Variants in LTBP1 observed in about 807,000 individuals in gnomAD.
LTBP1 encodes the protein latent-transforming growth factor beta-binding protein 1.
In LTBP1, 129 loss-of-function variants were observed where a neutral mutation model predicts 207.6. That is an observed-to-expected ratio of 0.62 (90% CI 0.54 to 0.72). LTBP1 has a LOEUF of 0.72. LTBP1 is among the 30% of genes least tolerant of loss of function. The probability of loss-of-function intolerance (pLI) is 0.00; values close to 1 mark genes in which losing one functional copy is unlikely to be tolerated. For missense variants in LTBP1, 2,281 were observed against 2,217.2 expected (o/e 1.03, Z -0.58); for synonymous variants, 963 against 833.7 (o/e 1.16, Z -2.67).
rs1167704174 is a variant in LTBP1, at chr2:33,035,137, A to G, written c.863+13931A>G. On this transcript the variant is annotated intron_variant, in intron 3 of 33. Coordinates refer to ENST00000404816, the MANE Select transcript of LTBP1 (RefSeq NM_206943.4). ...AATTAATTCATATGAGCAATGTTCTATTCTCTTGTGATTTTAGCAACACGT... is the reference window on the plus strand; with the variant it reads ...AATTAATTCATATGAGCAATGTTCTGTTCTCTTGTGATTTTAGCAACACGT... 2.6e-5 allele frequency among the ~76,000 whole-genome samples: 4 copies of G among 152,194 alleles called. No homozygotes were observed. In the East Asian group the frequency reaches 5.8e-4, roughly 22 times the overall value.
At chr2:33,301,045 C>G (rs3769544) in intron 21 of LTBP1, among the ~76,000 whole-genome samples, 60,347 of 152,050 alleles carry the variant, frequency 0.4, 12,332 homozygotes, top group South Asian at 0.45. Flanking sequence ...TAATGTCCCC[C>G]TTAGAGAGAA....
chr2:33,276,113 C>T (rs891032767), intron 18 of LTBP1, among the ~76,000 whole-genome samples, 190 bp downstream of exon 18: 1 of 151,974 alleles, frequency 6.6e-6, no homozygotes, highest in Non-Finnish European at 1.5e-5. Flanking sequence ...TTTCCATCTT[C>T]ATGCTCTCAT....
intron 3 of LTBP1, among the ~76,000 whole-genome samples, chr2:33,069,879 A>G (rs143400229): frequency 1.4e-4 from 21 of 152,336 alleles, no homozygotes; most frequent in Non-Finnish European, 2.8e-4. Flanking sequence ...AGAGCTCTCA[A>G]CAGCTCACAG....
chr2:32,985,168 C>T (rs1239135284), intron 2 of LTBP1, among the ~76,000 whole-genome samples: 4 of 152,162 alleles, frequency 2.6e-5, no homozygotes. Context: ...CCCCGGAACA[C>T]AGGAGAACAC....
At chr2:33,202,286 A>G (rs2149113843) in intron 7 of LTBP1, among the ~76,000 whole-genome samples, 1 of 152,324 alleles carries the variant, frequency 6.6e-6, no homozygotes, top group Non-Finnish European at 1.5e-5. Flanking sequence ...AAAGCCAGTA[A>G]GAAGCTGGGG....
chr2:32,992,903 C>G (rs1422290126), intron 2 of LTBP1, among the ~76,000 whole-genome samples: 1 of 151,928 alleles, frequency 6.6e-6, no homozygotes, highest in Non-Finnish European at 1.5e-5. Context: ...GGGCTGGCAT[C>G]AGTGGGGAAG....
intron 7 of LTBP1, among the ~76,000 whole-genome samples, chr2:33,194,274 C>T (rs915514523): frequency 5.9e-5 from 9 of 152,108 alleles, no homozygotes; most frequent in Admixed American, 2.6e-4. Flanking sequence ...CGTGAGCCAC[C>T]GAGCCCGGCC....
intron 24 of LTBP1, among the ~76,000 whole-genome samples, chr2:33,318,618 A>G (rs1408242639): frequency 1.3e-5 from 2 of 152,200 alleles, no homozygotes. Context: ...ATGTCAGGAA[A>G]TTGCAGGGGA....
intron 7 of LTBP1, among the ~76,000 whole-genome samples, chr2:33,204,452 C>G (rs1354844087): frequency 6.6e-6 from 1 of 152,176 alleles, no homozygotes; most frequent in Non-Finnish European, 1.5e-5. Flanking sequence ...ATATTTTAAA[C>G]AAAGAGAGCA....
At chr2:33,121,598 A>G (rs1296191701) in intron 4 of LTBP1, among the ~76,000 whole-genome samples, 2 of 152,182 alleles carry the variant, frequency 1.3e-5, no homozygotes, top group Non-Finnish European at 2.9e-5. Flanking sequence ...TCCAGCAGAA[A>G]CCAAGAGCTC....
At chr2:32,955,326 C>G (rs1318131674) in intron 2 of LTBP1, among the ~76,000 whole-genome samples, 1 of 152,184 alleles carries the variant, frequency 6.6e-6, no homozygotes, top group African/African-American at 2.4e-5. Flanking sequence ...GTTTTTACAT[C>G]CAGTTTTTCT....
At chr2:33,128,984 T>A (rs886472945) in intron 4 of LTBP1, among the ~76,000 whole-genome samples, 8 of 152,178 alleles carry the variant, frequency 5.3e-5, no homozygotes, top group Non-Finnish European at 1.2e-4. Context: ...GTGTTCTAGA[T>A]GAGGGATTTC....
intron 5 of LTBP1, among the ~76,000 whole-genome samples, chr2:33,167,006 T>A (rs1558739487): frequency 6.6e-6 from 1 of 152,154 alleles, no homozygotes; most frequent in Non-Finnish European, 1.5e-5. Flanking sequence ...TGCCGAATAC[T>A]CCTGGCTGAT....
chr2:33,288,866 A>G (rs1206239683), intron 19 of LTBP1, among the ~76,000 whole-genome samples: 1 of 152,008 alleles, frequency 6.6e-6, no homozygotes, highest in Non-Finnish European at 1.5e-5. Context: ...AAAAAAAAAA[A>G]AAAAGAAAAA....
At chr2:33,035,502 G>A (rs1478146598) in intron 3 of LTBP1, among the ~76,000 whole-genome samples, 1 of 152,206 alleles carries the variant, frequency 6.6e-6, no homozygotes, top group Non-Finnish European at 1.5e-5. Flanking sequence ...TGATGGTGAG[G>A]TGGACACCAA....
rs1194163664 is a variant in LTBP1 at position 33,021,196 on chromosome 2, A to G, written c.853A>G (p.Ile285Val). 11 of 1,592,358 alleles carry G rather than the reference A, an allele frequency of 6.9e-6. No homozygotes were observed. The highest frequency in any genetic ancestry group is 9.4e-6 in the Non-Finnish European group (11 of 1,165,598). The part of the protein sequence containing the change: ...PKPSVGLPQQ[I>V]HSQVTPLSSQ... ...GCCTTCAGTGGGACTCCCCCAGCAG[A>G]TACATTCTCAGTGAGTGTTTCGAAC... The change falls in exon 3 of 34, where the codon ATA becomes GTA. Residue 285 changes from isoleucine to valine, a missense_variant. By Grantham distance (29) the Ile-to-Val change is conservative. Transcript: ENST00000404816.
chr2:33,171,569 T>G (rs1310388595), intron 5 of LTBP1, among the ~76,000 whole-genome samples: 9 of 150,862 alleles, frequency 6.0e-5, no homozygotes, highest in African/African-American at 9.7e-5. Context: ...TGGAACCAAG[T>G]TGGAAAACAC....
intron 4 of LTBP1, among the ~76,000 whole-genome samples, chr2:33,122,458 C>G (rs2081192793): frequency 6.6e-6 from 1 of 152,178 alleles, no homozygotes; most frequent in Non-Finnish European, 1.5e-5. Flanking sequence ...GGGCAGTTGA[C>G]TCAAAACCAA....
intron 11 of LTBP1, among the ~76,000 whole-genome samples, chr2:33,253,469 A>G (rs1046466307): frequency 2.0e-5 from 3 of 152,182 alleles, no homozygotes; most frequent in African/African-American, 4.8e-5. Context: ...CCTTCTACCA[A>G]TGAACCACCA....
Sources: allele counts gnomAD v4.1 joint callset (sites outside exome capture counted in the v4.1 genomes callset), GRCh38; gene constraint gnomAD v4.1.1; transcripts MANE v1.5; gene names NCBI Gene and HGNC (gene_info 2026-07-23, HGNC 2026-07-21).